INPP4A: variants seen among roughly 807,000 people sequenced by gnomAD.
The protein encoded by INPP4A is inositol polyphosphate-4-phosphatase, type I, 107kD.
INPP4A carries 33 observed loss-of-function variants against 119.8 expected under a neutral mutation model. The observed-to-expected ratio is 0.28, with a 90% confidence interval of 0.21 to 0.37. INPP4A has a LOEUF of 0.37. INPP4A is among the 10% of genes least tolerant of loss of function. The pLI, the probability that INPP4A is intolerant of heterozygous loss-of-function variation, is 1.00. For synonymous variants in INPP4A, 496 were observed against 500.7 expected, an observed-to-expected ratio of 0.99 and a Z score of 0.12; for missense variants, 956 against 1,289.9, an observed-to-expected ratio of 0.74 and a Z score of 3.97.
intron 10 of INPP4A, among the ~76,000 whole-genome samples, chr2:98,541,680 C>G (rs1018281270): frequency 6.6e-6 from 1 of 152,336 alleles, no homozygotes; most frequent in Non-Finnish European, 1.5e-5. Context: ...CTCCTGGGCT[C>G]AAGCCATCAT....
At chr2:98,479,928 A>G (rs187020755) in intron 1 of INPP4A, among the ~76,000 whole-genome samples, 160 of 152,272 alleles carry the variant, frequency 1.1e-3, no homozygotes, top group African/African-American at 3.6e-3. Context: ...GTGACTTCCT[A>G]GAAAGCCTGA....
At chr2:98,448,118 G>A (rs1694552874) in intron 1 of INPP4A, among the ~76,000 whole-genome samples, 1 of 151,558 alleles carries the variant, frequency 6.6e-6, no homozygotes, top group Non-Finnish European at 1.5e-5. Flanking sequence ...CAATTTGGGA[G>A]GCTGAGGTGG....
chr2:98,555,316 A>G (rs1235152092), intron 15 of INPP4A, among the ~76,000 whole-genome samples: 1 of 152,262 alleles, frequency 6.6e-6, no homozygotes, highest in Non-Finnish European at 1.5e-5. Flanking sequence ...CAGAAGAGTT[A>G]CTAGCAAACA....
At chr2:98,547,976 C>T (rs557893892) in intron 13 of INPP4A, among the ~76,000 whole-genome samples, 2 of 152,270 alleles carry the variant, frequency 1.3e-5, no homozygotes, top group Admixed American at 6.5e-5. Context: ...CTGGCATGTG[C>T]CATGGAGCTG....
chr2:98,484,671 A>G lies in INPP4A; in HGVS notation c.-165-34293A>G, dbSNP rs3769731. On this transcript the variant is annotated intron_variant, in intron 1 of 24. Coordinates refer to ENST00000409851, the MANE Select transcript of INPP4A (RefSeq NM_001134225.2). The stretch of plus-strand genomic sequence containing the variant: ...TCTAGAGGAAGAAAACCAGAAAAGC[A>G]TGATGTGTCCATCTCCCAGTGCTTA... Among the ~76,000 whole-genome samples, 101 of 152,296 alleles carry G rather than the reference A, an allele frequency of 6.6e-4. 2 individuals are homozygous for G. In the East Asian group the frequency reaches 0.01, roughly 15 times the overall value.
chr2:98,514,013 T>C (rs1685626637), intron 1 of INPP4A, among the ~76,000 whole-genome samples: 1 of 152,146 alleles, frequency 6.6e-6, no homozygotes, highest in African/African-American at 2.4e-5. Flanking sequence ...CCTGGGTAGA[T>C]TCAGTTTCCA....
chr2:98,529,741 A>G (rs1187101827), intron 4 of INPP4A, among the ~76,000 whole-genome samples: 1 of 152,174 alleles, frequency 6.6e-6, no homozygotes, highest in Admixed American at 6.5e-5. Context: ...ATCTCAAAAT[A>G]AAAAACAAAA....
intron 24 of INPP4A, among the ~76,000 whole-genome samples, chr2:98,579,346 C>A (rs1388302689): frequency 6.6e-6 from 1 of 152,238 alleles, no homozygotes. Context: ...CCACCATGCC[C>A]AGCCGCATTT....
At chr2:98,508,993 C>T (rs1215585168) in intron 1 of INPP4A, among the ~76,000 whole-genome samples, 13 of 152,146 alleles carry the variant, frequency 8.5e-5, no homozygotes, top group Admixed American at 8.5e-4. Flanking sequence ...GCTGCAGAAC[C>T]CAGGGGTGCC....
intron 24 of INPP4A, among the ~76,000 whole-genome samples, chr2:98,586,728 T>C (rs1387571080): frequency 6.6e-6 from 1 of 152,198 alleles, no homozygotes; most frequent in African/African-American, 2.4e-5. Flanking sequence ...TAGTGAGTTC[T>C]CTAGGGAAGG....
At chr2:98,536,269 G>T in intron 7 of INPP4A, 61 bp downstream of exon 7, 1 of 1,031,292 alleles carries the variant, frequency 9.7e-7, no homozygotes, top group East Asian at 2.5e-5. Context: ...GGGACAGATG[G>T]GGAAAGGACC....
At chr2:98,559,164 G>A (rs1192688532) in intron 16 of INPP4A, among the ~76,000 whole-genome samples, 3 of 152,210 alleles carry the variant, frequency 2.0e-5, no homozygotes, top group Non-Finnish European at 4.4e-5. Flanking sequence ...TTATCACATT[G>A]TAATAAGCTA....
rs557523646 is a variant in INPP4A, at chr2:98,535,695, C to T, written c.271-34C>T. The T allele has an allele frequency of 8.3e-5, 80 of 969,546 alleles. No individual in the cohort carries two copies. The South Asian group carries it at 1.2e-3, about 15-fold the overall frequency. The allele number at this position is 969,546 out of a possible 1,614,324, so 60.1% of individuals were successfully genotyped here. A position where few individuals can be genotyped will look rare whatever the true frequency, so the allele number is the denominator to read the frequency against. ...AAGCAATTACATTTTAAAAATCCAACCCTGTGTTCTGATTATTTCCTTTTC... is the reference window on the plus strand; with the variant it reads ...AAGCAATTACATTTTAAAAATCCAATCCTGTGTTCTGATTATTTCCTTTTC... On this transcript the variant is annotated intron_variant, in intron 5 of 24. Transcript: ENST00000409851.
chr2:98,561,309 A>C (rs1267742423), intron 17 of INPP4A, among the ~76,000 whole-genome samples: 6 of 152,202 alleles, frequency 3.9e-5, no homozygotes, highest in Non-Finnish European at 8.8e-5. Context: ...TTCTCATAAC[A>C]AGGCTTTGTC....
At chr2:98,540,898 C>T (rs1212698118) in intron 10 of INPP4A, among the ~76,000 whole-genome samples, 1 of 152,186 alleles carries the variant, frequency 6.6e-6, no homozygotes, top group Admixed American at 6.5e-5. Context: ...ATTTCTCCTC[C>T]TTGTCCTCAA....
intron 13 of INPP4A, among the ~76,000 whole-genome samples, chr2:98,547,009 A>G (rs1013057022): frequency 6.6e-6 from 1 of 152,210 alleles, no homozygotes; most frequent in African/African-American, 2.4e-5. Flanking sequence ...GTCCCTGGCC[A>G]GTCAGTTGAG....
At chr2:98,539,292 G>A (rs1690942169) in intron 9 of INPP4A, among the ~76,000 whole-genome samples, 1 of 152,172 alleles carries the variant, frequency 6.6e-6, no homozygotes, top group African/African-American at 2.4e-5. Context: ...GCCCCCAGCT[G>A]CTTGCACTTT....
At chr2:98,516,973 T>C (rs1686255889) in intron 1 of INPP4A, among the ~76,000 whole-genome samples, 1 of 152,140 alleles carries the variant, frequency 6.6e-6, no homozygotes, top group South Asian at 2.1e-4. Flanking sequence ...TTGTCTTGTA[T>C]ACACTTTGTA....
At chr2:98,560,408 C>T (rs796095483) in intron 17 of INPP4A, among the ~76,000 whole-genome samples, 21 of 152,330 alleles carry the variant, frequency 1.4e-4, no homozygotes, top group African/African-American at 4.6e-4. Context: ...TCCACCCATA[C>T]AGCCCCATGA....
Sources: gnomAD v4.1 joint callset for allele counts (sites outside exome capture counted in the v4.1 genomes callset) on GRCh38, gnomAD v4.1.1 for gene constraint, MANE v1.5 for transcripts, NCBI Gene and HGNC (gene_info 2026-07-23, HGNC 2026-07-21) for gene names.